Variants in CENPP observed in about 807,000 individuals in gnomAD.
CENPP encodes the protein centromere protein P.
A neutral mutation model predicts 35.6 loss-of-function variants in CENPP; 24 were observed. That is an observed-to-expected ratio of 0.67 (90% CI 0.49 to 0.95). The LOEUF (loss-of-function observed/expected upper bound fraction) is 0.95, where lower values mean the gene tolerates loss of function less well. CENPP is among the 40% of genes least tolerant of loss of function. The pLI is 0.00. For synonymous variants in CENPP, 120 were observed against 125.5 expected (o/e 0.96, Z 0.29); for missense variants, 332 against 345.3 (o/e 0.96, Z 0.31).
At chr9:92,589,457 G>GA (rs1023418038) in intron 5 of CENPP, among the ~76,000 whole-genome samples, 64 of 146,208 alleles carry the variant, frequency 4.4e-4, no homozygotes, top group Non-Finnish European at 5.7e-4. Flanking sequence ...GACCTGCAGG[G>GA]AAAAAAAAAA....
At chr9:92,495,407 T>G (rs1024453606) in intron 5 of CENPP, 1 of 985,054 alleles carries the variant, frequency 1.0e-6, no homozygotes, top group Non-Finnish European at 1.2e-6. Flanking sequence ...AAATGATGTA[T>G]TTCAGTAAAT....
chr9:92,341,463 T>C (rs1841115945), intron 3 of CENPP: 1 of 152,214 alleles, frequency 6.6e-6, no homozygotes, highest in South Asian at 2.1e-4. Context: ...ATGTCTCCCC[T>C]GGACGCCCAG....
chr9:92,619,692 G>T lies in CENPP; in HGVS notation c.*6543G>T. 1.2e-6 allele frequency: 1 copy of T among 854,392 alleles called. No individual in the cohort carries two copies. The highest frequency in any genetic ancestry group is 1.5e-5 in the South Asian group (1 of 65,788). The allele number at this position is 854,392 out of a possible 1,614,324, so 52.9% of individuals were successfully genotyped here. On this transcript the variant is annotated 3_prime_UTR_variant, in exon 8 of 8. Transcript: ENST00000375587. ...TCAGAACCTGAGGGTGGGATTAGGA[G>T]CGAGGGCCACGGTGAGCACGGGCGT...
chr9:92,556,371 G>A (rs1849724473), intron 5 of CENPP, among the ~76,000 whole-genome samples: 1 of 152,068 alleles, frequency 6.6e-6, no homozygotes, highest in Non-Finnish European at 1.5e-5. Flanking sequence ...TGCAGTTGTT[G>A]GGTGAAATGT....
At chr9:92,440,737 A>C (rs2131002279) in intron 5 of CENPP, among the ~76,000 whole-genome samples, 1 of 152,334 alleles carries the variant, frequency 6.6e-6, no homozygotes, top group South Asian at 2.1e-4. Flanking sequence ...AAAGGCATTA[A>C]ATCTGTGAGT....
chr9:92,561,126 G>A (rs1849838493), intron 5 of CENPP, among the ~76,000 whole-genome samples: 1 of 151,994 alleles, frequency 6.6e-6, no homozygotes. Flanking sequence ...TTTAATATAT[G>A]CTAATGAGTT....
intron 5 of CENPP, among the ~76,000 whole-genome samples, chr9:92,606,542 A>G (rs997460846): frequency 6.6e-6 from 1 of 152,240 alleles, no homozygotes; most frequent in South Asian, 2.1e-4. Context: ...AACCAAGGGA[A>G]ATGAAAATAT....
At chr9:92,492,120 A>G (rs1033573353) in intron 5 of CENPP, among the ~76,000 whole-genome samples, 3 of 152,034 alleles carry the variant, frequency 2.0e-5, no homozygotes, top group Non-Finnish European at 4.4e-5. Context: ...ATCTTCTGTT[A>G]CTCCCCACCT....
chr9:92,371,638 T>TC (rs1842006374), intron 4 of CENPP, among the ~76,000 whole-genome samples: 1 of 152,172 alleles, frequency 6.6e-6, no homozygotes, highest in African/African-American at 2.4e-5. Flanking sequence ...TGGTCTAAAG[T>TC]CCAATTTAAA....
chr9:92,620,488 A>G lies in CENPP; in HGVS notation c.*7339A>G, dbSNP rs867998793. On this transcript the variant is annotated 3_prime_UTR_variant, in exon 8 of 8. Coordinates refer to ENST00000375587, the MANE Select transcript of CENPP (RefSeq NM_001012267.3). ...TATGGTTTGCATTGTTTTAGATGGC[A>G]TAGCTCTCGCTTTCACAAAAATAAA... The G allele has an allele frequency of 7.9e-5, 12 of 152,208 alleles. No individual in the cohort carries two copies. The highest frequency in any genetic ancestry group is 2.9e-4 in the African/African-American group (12 of 41,436). 9.4% of individuals were successfully genotyped at this position (152,208 alleles called of 1,614,324 possible).
intron 5 of CENPP, among the ~76,000 whole-genome samples, chr9:92,559,158 A>ATT (rs1467572067): frequency 1.2e-4 from 19 of 152,222 alleles, no homozygotes; most frequent in African/African-American, 4.1e-4. Context: ...TCCCGTTCAA[A>ATT]TTGTTACAAA....
intron 5 of CENPP, among the ~76,000 whole-genome samples, chr9:92,406,164 G>A (rs149776880): frequency 2.3e-4 from 35 of 152,256 alleles, no homozygotes; most frequent in Admixed American, 6.5e-4. Flanking sequence ...GGATCATCAC[G>A]TGCTCCCCTT....
At chr9:92,575,314 A>T (rs1343522186) in intron 5 of CENPP, among the ~76,000 whole-genome samples, 4 of 152,186 alleles carry the variant, frequency 2.6e-5, no homozygotes, top group Non-Finnish European at 5.9e-5. Flanking sequence ...CTGATAAGGG[A>T]TTATAATACA....
At chr9:92,532,013 A>ATTTTTTTTTTTT (rs1368397928) in intron 5 of CENPP, among the ~76,000 whole-genome samples, 3 of 68,942 alleles carry the variant, frequency 4.4e-5, no homozygotes, top group African/African-American at 2.3e-4. Context: ...TTTTTATTTA[A>ATTTTTTTTTTTT]TGTTTTTTTT....
At chr9:92,491,059 A>G (rs1221511480) in intron 5 of CENPP, among the ~76,000 whole-genome samples, 1 of 152,236 alleles carries the variant, frequency 6.6e-6, no homozygotes, top group African/African-American at 2.4e-5. Context: ...CCTACTTTGC[A>G]CAAATTCAGG....
In CENPP at chr9:92,495,671, T is replaced by A. The variant is rs183520336; in HGVS notation, c.565-115643T>A. 2.4e-3 allele frequency: 2,143 copies of A among 886,754 alleles called. 6 individuals carry two copies. The Middle Eastern group carries it at 0.032, about 13-fold the overall frequency. 54.9% of individuals were successfully genotyped at this position (886,754 alleles called of 1,614,324 possible). A position where few individuals can be genotyped will look rare whatever the true frequency, so the allele number is the denominator to read the frequency against. On this transcript the variant is annotated intron_variant, in intron 5 of 7. Transcript: ENST00000375587. ...AGAGTATAGAATTTATGCACACCCT[T>A]CTGCCAGCTTTCCTTAATGTTAACA...
At chr9:92,363,545 T>C (rs1290760783) in intron 4 of CENPP, among the ~76,000 whole-genome samples, 1 of 152,202 alleles carries the variant, frequency 6.6e-6, no homozygotes, top group Non-Finnish European at 1.5e-5. Flanking sequence ...CTGTACCATT[T>C]AGGTTTAAGT....
intron 5 of CENPP, among the ~76,000 whole-genome samples, chr9:92,464,555 G>A (rs529391816): frequency 6.6e-6 from 1 of 152,244 alleles, no homozygotes; most frequent in Non-Finnish European, 1.5e-5. Context: ...AATGCCTGGG[G>A]ACAGGGTCTC....
chr9:92,595,602 G>C (rs1850761958), intron 5 of CENPP, among the ~76,000 whole-genome samples: 1 of 149,840 alleles, frequency 6.7e-6, no homozygotes, highest in Non-Finnish European at 1.5e-5. Context: ...GTCTCGCTCT[G>C]TCGCCCAGGC....
Sources: gnomAD v4.1 joint callset for allele counts (sites outside exome capture counted in the v4.1 genomes callset) on GRCh38, gnomAD v4.1.1 for gene constraint, MANE v1.5 for transcripts, NCBI Gene and HGNC (gene_info 2026-07-23, HGNC 2026-07-21) for gene names.